HTR2C: variants seen among roughly 807,000 people sequenced by gnomAD.
HTR2C encodes 5-hydroxytryptamine receptor 2C.
Under a neutral mutation model 21.0 loss-of-function variants are expected in HTR2C, and 5 were observed. The ratio of observed to expected loss-of-function variants is 0.24; its 90% CI spans 0.12 to 0.50. The LOEUF is 0.50. Among genes scored for constraint, HTR2C ranks in the 20% least tolerant of loss-of-function variants. The pLI, the probability that HTR2C is intolerant of heterozygous loss-of-function variation, is 0.98. For synonymous variants in HTR2C, 150 were observed against 145.3 expected (o/e 1.03, Z -0.23); for missense variants, 271 against 371.2 (o/e 0.73, Z 2.22).
chrX:114,644,362 A>AATATATATATATAT (rs782451317), intron 2 of HTR2C, among the ~76,000 whole-genome samples: 20 of 38,226 alleles, frequency 5.2e-4, no homozygotes, highest in South Asian at 1.2e-3. Context: ...TAAATAAATA[A>AATATATATATATAT]ATATATATAT....
intron 2 of HTR2C, among the ~76,000 whole-genome samples, chrX:114,709,628 C>T (rs1284609842): frequency 8.9e-6 from 1 of 111,834 alleles, no homozygotes; most frequent in African/African-American, 3.2e-5. Flanking sequence ...GTCCTTGTAA[C>T]AGCAGACATT....
chrX:114,906,278 G>A (rs1358516654), intron 5 of HTR2C, among the ~76,000 whole-genome samples: 1 of 111,805 alleles, frequency 8.9e-6, no homozygotes, highest in Non-Finnish European at 1.9e-5. Flanking sequence ...CTTGGAACTG[G>A]AAATCCAACA....
chrX:114,873,143 A>G lies in HTR2C; in HGVS notation c.550+24940A>G, dbSNP rs368021413. Among the ~76,000 whole-genome samples the G allele has an allele frequency of 5.0e-4, 56 of 111,641 alleles. 2 individuals carry two copies. The South Asian group carries it at 0.021, about 41-fold the overall frequency. On this transcript the variant is annotated intron_variant, in intron 5 of 5. Coordinates refer to ENST00000276198, the MANE Select transcript of HTR2C (RefSeq NM_000868.4). ...AGTGGGTTTCTTATAGAGAGAATAT[A>G]ACTGAATCTTATTCATTTACTCAAT...
chrX:114,641,054 TTTTTTCTTTTC>T lies in HTR2C; in HGVS notation c.-80+27178_-80+27188del, dbSNP rs1350009298. Among the ~76,000 whole-genome samples the T allele has an allele frequency of 4.7e-3, 486 of 102,864 alleles. 3 individuals carry two copies. The highest frequency in any genetic ancestry group is 0.018 in the African/African-American group (467 of 26,325). The allele number at this position is 102,864 out of a possible 115,157, so 89.3% of individuals were successfully genotyped here. A position where few individuals can be genotyped will look rare whatever the true frequency, so the allele number is the denominator to read the frequency against. On this transcript the variant is annotated intron_variant, in intron 2 of 5. Coordinates refer to ENST00000276198, the MANE Select transcript of HTR2C (RefSeq NM_000868.4). ...TTCCTTTCTTTCTTTCTTTCTTTCT[TTTTTTCTTTTC>T]TTTTCTTTTCTTTTCTTTCTTTCAT...
chrX:114,892,339 T>C (rs1449731250), intron 5 of HTR2C, among the ~76,000 whole-genome samples: 2 of 112,030 alleles, frequency 1.8e-5, no homozygotes, highest in African/African-American at 6.5e-5. Flanking sequence ...AAATGTCATT[T>C]AGTTACCTTA....
At chrX:114,610,409 ATTATC>A (rs1393820546) in intron 1 of HTR2C, among the ~76,000 whole-genome samples, 1 of 112,149 alleles carries the variant, frequency 8.9e-6, no homozygotes, top group Non-Finnish European at 1.9e-5. Flanking sequence ...ACTATTTTAT[ATTATC>A]TTTTCTCAGG....
rs782070235 is a variant in HTR2C, at chrX:114,834,576, T to C, written c.350-13427T>C. The stretch of plus-strand genomic sequence containing the variant: ...TTGCTTGGTAGATCTTCCTCCATCC[T>C]TTTATTTTGAGCCTATGTGTGTCTC... On this transcript the variant is annotated intron_variant, in intron 4 of 5. Coordinates refer to ENST00000276198, the MANE Select transcript of HTR2C (RefSeq NM_000868.4). 1.3e-3 allele frequency among the ~76,000 whole-genome samples: 139 copies of C among 108,371 alleles called. 1 individual carries two copies. Among genetic ancestry groups the C allele is most frequent in the Non-Finnish European group, 1.1e-3 (57 of 52,135 alleles). 94.1% of individuals were successfully genotyped at this position (108,371 alleles called of 115,157 possible).
At chrX:114,755,493 A>G (rs972770929) in intron 4 of HTR2C, among the ~76,000 whole-genome samples, 2 of 111,074 alleles carry the variant, frequency 1.8e-5, no homozygotes, top group African/African-American at 6.5e-5. Flanking sequence ...TTTGAAATCT[A>G]TCTCTGCTCC....
intron 2 of HTR2C, among the ~76,000 whole-genome samples, chrX:114,638,147 A>G (rs1556405618): frequency 8.9e-6 from 1 of 112,034 alleles, no homozygotes; most frequent in Non-Finnish European, 1.9e-5. Context: ...TACTTAAAGA[A>G]TTTCAGAAAC....
intron 4 of HTR2C, among the ~76,000 whole-genome samples, chrX:114,788,314 G>A (rs1286785369): frequency 1.8e-5 from 2 of 110,709 alleles, no homozygotes; most frequent in South Asian, 7.8e-4. Context: ...AGGCTGGAGT[G>A]CAATGGCGCC....
At chrX:114,604,934 G>C (rs782039853) in intron 1 of HTR2C, among the ~76,000 whole-genome samples, 34 of 111,389 alleles carry the variant, frequency 3.1e-4, no homozygotes, top group African/African-American at 1.0e-3. Flanking sequence ...ATTAAATCCT[G>C]TTGTGGGGTT....
At chrX:114,791,396 C>T (rs1298097706) in intron 4 of HTR2C, among the ~76,000 whole-genome samples, 2 of 111,629 alleles carry the variant, frequency 1.8e-5, no homozygotes, top group Admixed American at 1.9e-4. Flanking sequence ...GGTCTTTAAT[C>T]CACAGGAAAT....
intron 2 of HTR2C, among the ~76,000 whole-genome samples, chrX:114,705,446 A>G (rs1399433465): frequency 2.8e-5 from 3 of 108,488 alleles, no homozygotes; most frequent in Non-Finnish European, 5.8e-5. Context: ...TGAGAAAAAC[A>G]AGCAATGGGG....
At chrX:114,659,141 C>G (rs1264770654) in intron 2 of HTR2C, among the ~76,000 whole-genome samples, 1 of 111,096 alleles carries the variant, frequency 9.0e-6, no homozygotes, top group Non-Finnish European at 1.9e-5. Context: ...ACTATCAGAT[C>G]TTGTGAGAAC....
intron 4 of HTR2C, among the ~76,000 whole-genome samples, chrX:114,807,729 G>A (rs2070492283): frequency 9.3e-6 from 1 of 107,634 alleles, no homozygotes; most frequent in Non-Finnish European, 1.9e-5. Context: ...CTGGAGTGCA[G>A]TAGTGCGATC....
intron 1 of HTR2C, among the ~76,000 whole-genome samples, chrX:114,606,882 C>A (rs1429010619): frequency 9.1e-6 from 1 of 109,830 alleles, no homozygotes; most frequent in Non-Finnish European, 1.9e-5. Flanking sequence ...GGGCTGAGTC[C>A]GAAAAGAGAG....
chrX:114,881,120 A>G (rs2071178046), intron 5 of HTR2C, among the ~76,000 whole-genome samples: 1 of 110,694 alleles, frequency 9.0e-6, no homozygotes, highest in East Asian at 2.8e-4. Flanking sequence ...AATGATGTTG[A>G]GCATATTTTC....
chrX:114,707,402 AAAATAAAT>A (rs201415665), intron 2 of HTR2C, among the ~76,000 whole-genome samples: 1 of 110,863 alleles, frequency 9.0e-6, no homozygotes, highest in Non-Finnish European at 1.9e-5. Flanking sequence ...GCCTTTCTCA[AAAATAAAT>A]AAATAAATAA....
At chrX:114,687,806 G>A (rs1931967432) in intron 2 of HTR2C, among the ~76,000 whole-genome samples, 1 of 111,389 alleles carries the variant, frequency 9.0e-6, no homozygotes, top group Admixed American at 9.6e-5. Context: ...ATAAATATCA[G>A]CTCCATTCTT....
Sources: gnomAD v4.1 joint callset for allele counts (sites outside exome capture counted in the v4.1 genomes callset) on GRCh38, gnomAD v4.1.1 for gene constraint, MANE v1.5 for transcripts, NCBI Gene and HGNC (gene_info 2026-07-23, HGNC 2026-07-21) for gene names.